The following DHX40 variants were observed in gnomAD, a reference collection of about 807,000 sequenced individuals.
The protein encoded by DHX40 is DEAH-box helicase 40, also known as probable ATP-dependent RNA helicase DHX40.
A neutral mutation model predicts 89.6 loss-of-function variants in DHX40; 28 were observed. The observed-to-expected ratio is 0.31, with a 90% CI of 0.23 to 0.43. DHX40 has a LOEUF of 0.43. Ranked by LOEUF, DHX40 falls within the 20% of genes least tolerant of loss-of-function variation. The pLI, the probability that DHX40 is intolerant of heterozygous loss-of-function variation, is 1.00. For synonymous variants in DHX40, 226 were observed against 283.6 expected (o/e 0.80, Z 2.04); for missense variants, 457 against 844.0 (o/e 0.54, Z 5.68).
chr17:59,576,933 G>A (rs1167572959), intron 7 of DHX40: 30 of 290,450 alleles, frequency 1.0e-4, no homozygotes, highest in Non-Finnish European at 1.6e-4. Context: ...GCAGTGGCGC[G>A]ATCTTGGCTC....
chr17:59,590,783 A>G lies in DHX40; in HGVS notation c.1582+2730A>G, dbSNP rs561796252. ...TTGCACCCAGCAGTTGCAGTCTGAA[A>G]TGTCAGAATTTTAATTCTGGTAATA... On this transcript the variant is annotated intron_variant, in intron 12 of 17. Transcript: ENST00000251241. Among the ~76,000 whole-genome samples the G allele has an allele frequency of 3.0e-4, 45 of 151,954 alleles. 2 individuals carry two copies. The highest frequency in any genetic ancestry group is 1.2e-3 in the East Asian group (6 of 5,186).
In DHX40 at chr17:59,607,228, A is replaced by G. The variant is rs1163168220; in HGVS notation, c.*56A>G. Reference sequence around the variant, plus strand: ...AAAAGGAGCCAGGAAATGTGCTTCTACTTTGCCAGTTATTTCAGACAGCAC... The same window carrying G: ...AAAAGGAGCCAGGAAATGTGCTTCTGCTTTGCCAGTTATTTCAGACAGCAC... On this transcript the variant is annotated 3_prime_UTR_variant, in exon 18 of 18. Coordinates refer to ENST00000251241, the MANE Select transcript of DHX40 (RefSeq NM_024612.5). 51 of 1,614,020 alleles carry G rather than the reference A, an allele frequency of 3.2e-5. No individual in the cohort carries two copies. The highest frequency in any genetic ancestry group is 4.0e-5 in the Non-Finnish European group (47 of 1,180,036).
Position 59,570,653 on chromosome 17 carries a change from G to A in DHX40, c.416G>A (p.Cys139Tyr), listed in dbSNP as rs777179956. 1 of 1,607,526 alleles carries A rather than the reference G, an allele frequency of 6.2e-7. No individual in the cohort carries two copies. Among genetic ancestry groups the A allele is most frequent in the Non-Finnish European group, 8.5e-7 (1 of 1,176,932 alleles). Reference sequence around the variant, plus strand: ...GGATACCAAGTTCGTTTTGATGATTGCAGTTCTAAGGTACAAAAGTCTTGT... The same window carrying A: ...GGATACCAAGTTCGTTTTGATGATTACAGTTCTAAGGTACAAAAGTCTTGT... ...KVGYQVRFDDCSSKETAIKYM... is the reference protein window; with the variant it reads ...KVGYQVRFDDYSSKETAIKYM... The change falls in exon 3 of 18, where the codon TGC becomes TAC. Residue 139 changes from cysteine to tyrosine, a missense_variant. This residue lies in a region of DHX40 where 61 missense variants were observed against 100.4 expected (regional missense o/e 0.61). Transcript: ENST00000251241.
At chr17:59,602,702 G>T (rs2030607929) in intron 15 of DHX40, 86 bp downstream of exon 15, 2 of 1,158,274 alleles carry the variant, frequency 1.7e-6, no homozygotes, top group African/African-American at 1.6e-5. Flanking sequence ...AAACATTGAA[G>T]ATTTGATTTA....
chr17:59,577,128 C>T (rs1317331859), intron 7 of DHX40, 138 bp from the exon 8 acceptor site: 2 of 711,630 alleles, frequency 2.8e-6, no homozygotes, highest in African/African-American at 1.7e-5. Flanking sequence ...CTCAGCCTCC[C>T]AAAGTGCTGG....
intron 14 of DHX40, among the ~76,000 whole-genome samples, chr17:59,600,023 C>T (rs1011374671): frequency 8.6e-5 from 13 of 152,004 alleles, no homozygotes; most frequent in African/African-American, 2.4e-4. Context: ...GGGGTTTTGC[C>T]GTGTTGGCCA....
At chr17:59,598,076 A>T (rs781295257) in intron 12 of DHX40, among the ~76,000 whole-genome samples, 25 of 151,952 alleles carry the variant, frequency 1.6e-4, no homozygotes, top group Admixed American at 5.2e-4. Flanking sequence ...TTTGTTGCCT[A>T]GGCTTGTCTT....
Position 59,565,730 on chromosome 17 carries a change from G to C in DHX40, c.59G>C (p.Arg20Pro). The C allele has an allele frequency of 6.2e-7, 1 of 1,605,080 alleles. No homozygotes were observed. The highest frequency in any genetic ancestry group is 8.5e-7 in the Non-Finnish European group (1 of 1,179,636). Reference protein sequence around the residue: ...RAPRRQEEGERSRDLQEERLS... With the variant: ...RAPRRQEEGEPSRDLQEERLS... ...CCAAGGCGGCAGGAGGAGGGTGAGC[G>C]GTCAAGAGACCTCCAGGAAGAGCGG... The change falls in exon 1 of 18, where the codon CGG (arginine) becomes CCG (proline). Residue 20 changes from arginine to proline, a missense_variant. This residue lies in a region of DHX40 where 75 missense variants were observed against 76.8 expected (regional missense o/e 0.98). Transcript: ENST00000251241.
In DHX40 at chr17:59,591,865, C is replaced by A. The variant is rs147211397; in HGVS notation, c.1582+3812C>A. Among the ~76,000 whole-genome samples, 481 of 151,626 alleles carry A rather than the reference C, an allele frequency of 3.2e-3. 8 individuals are homozygous for A. The highest frequency in any genetic ancestry group is 5.4e-3 in the Non-Finnish European group (367 of 67,772). On this transcript the variant is annotated intron_variant, in intron 12 of 17. Transcript: ENST00000251241. ...TAACCATAGTACATTAATCAAAATT[C>A]GGAAATTGTTTTGTTTTGTTTGAGA... is the stretch of plus-strand genomic sequence containing the variant.
intron 3 of DHX40, among the ~76,000 whole-genome samples, chr17:59,572,224 A>G (rs965947428): frequency 2.6e-4 from 40 of 152,212 alleles, no homozygotes; most frequent in African/African-American, 8.7e-4. Context: ...GGGAATGGCC[A>G]TCAAATGTGG....
intron 15 of DHX40, chr17:59,604,602 A>G (rs1438103850): frequency 6.5e-6 from 1 of 154,258 alleles, no homozygotes; most frequent in Non-Finnish European, 1.4e-5. Context: ...TAGGTAGGGT[A>G]ATGTAGAAGA....
chr17:59,585,240 A>G (rs1188334364), intron 10 of DHX40, among the ~76,000 whole-genome samples: 3 of 96,842 alleles, frequency 3.1e-5, no homozygotes, highest in Non-Finnish European at 5.9e-5. Flanking sequence ...CCTCTACTAA[A>G]AATACAAAAA....
At chr17:59,598,414 C>T (rs908592519) in intron 12 of DHX40, among the ~76,000 whole-genome samples, 1 of 151,792 alleles carries the variant, frequency 6.6e-6, no homozygotes, top group Non-Finnish European at 1.5e-5. Flanking sequence ...TTCTTTTATA[C>T]CATTACATTT....
intron 15 of DHX40, chr17:59,603,634 G>T (rs535255058): frequency 2.5e-4 from 38 of 152,244 alleles, no homozygotes; most frequent in African/African-American, 8.9e-4. Context: ...GTGAAATCGT[G>T]TCTATCGTGG....
rs1349009559 is a variant in DHX40, at chr17:59,575,421, C to T, written c.923C>T (p.Thr308Ile). 21 of 1,612,900 alleles carry T rather than the reference C, an allele frequency of 1.3e-5. No individual in the cohort carries two copies. The highest frequency in any genetic ancestry group is 1.8e-5 in the Non-Finnish European group (21 of 1,179,524). The change falls in exon 7 of 18, where the codon ACC (threonine) becomes ATC (isoleucine). Residue 308 changes from threonine to isoleucine, a missense_variant. Physicochemically the swap from Thr to Ile is moderately conservative, Grantham distance 89 (BLOSUM62 -1). Around this residue, in one of 9 missense-constraint regions of DHX40, gnomAD observed 116 missense variants for 188.9 expected, o/e 0.61. Coordinates refer to ENST00000251241, the MANE Select transcript of DHX40 (RefSeq NM_024612.5). ...GATTATGATTATGATGTTCAAGATA[C>T]CACCCTCGATGGCTTGTTAATATTG... is the stretch of plus-strand genomic sequence containing the variant. ...SVDYDYDVQDTTLDGLLILPC... is the reference protein window; with the variant it reads ...SVDYDYDVQDITLDGLLILPC...
chr17:59,600,860 T>G (rs1178795519), intron 14 of DHX40, among the ~76,000 whole-genome samples: 1 of 150,918 alleles, frequency 6.6e-6, no homozygotes, highest in Non-Finnish European at 1.5e-5. Flanking sequence ...AAAATTTTTT[T>G]TTTTTTTTTT....
rs777146607 is a variant in DHX40, at chr17:59,571,290, T to A, written c.426+627T>A. Among the ~76,000 whole-genome samples the A allele has an allele frequency of 7.0e-4, 106 of 152,060 alleles. 2 individuals are homozygous for A. The highest frequency in any genetic ancestry group is 2.1e-4 in the South Asian group (1 of 4,810). ...CTGACCAACATGGAGAAACCCTGTCTCTTTTAAAAATACAAAATTAGCTGG... is the reference window on the plus strand; with the variant it reads ...CTGACCAACATGGAGAAACCCTGTCACTTTTAAAAATACAAAATTAGCTGG... On this transcript the variant is annotated intron_variant, in intron 3 of 17. Transcript: ENST00000251241.
In DHX40 at chr17:59,566,762, C is replaced by CG. The variant is rs1416787049; in HGVS notation, c.248_249insG (p.Thr84AsnfsTer9). ...ACTGGAAATACAGGAAGTGGTAAAA[C>CG]AACTCAACTCCCAAAATATCTATAT... On this transcript the variant is annotated frameshift_variant, in exon 2 of 18. Transcript: ENST00000251241. LOFTEE classifies it high-confidence loss of function. 1.9e-6 allele frequency: 3 copies of CG among 1,587,620 alleles called. No individual in the cohort carries two copies. The African/African-American group carries it at 4.1e-5, about 22-fold the overall frequency.
intron 14 of DHX40, 35 bp from the exon 15 acceptor site, chr17:59,602,487 T>G: frequency 1.0e-5 from 15 of 1,505,560 alleles, no homozygotes; most frequent in Non-Finnish European, 1.4e-5. Context: ...AATTGTACTA[T>G]GAGATTTACC....
Sources: allele counts gnomAD v4.1 joint callset (sites outside exome capture counted in the v4.1 genomes callset), GRCh38; gene constraint gnomAD v4.1.1; regional missense constraint gnomAD v4.1.1; transcripts MANE v1.5; gene names NCBI Gene and HGNC (gene_info 2026-07-23, HGNC 2026-07-21).